Variants in ZNF559 observed in about 807,000 individuals in gnomAD.
The protein encoded by ZNF559 is zinc finger protein 559.
Under a neutral mutation model 14.2 loss-of-function variants are expected in ZNF559, and 17 were observed. That is an observed-to-expected ratio of 1.20 (90% CI 0.82 to 1.80). The LOEUF is 1.80. Among genes scored for constraint, ZNF559 ranks in the 40% most tolerant of loss-of-function variants. The probability of loss-of-function intolerance (pLI) is 0.00; values close to 1 mark genes in which losing one functional copy is unlikely to be tolerated. For missense variants in ZNF559, 740 were observed against 629.7 expected, an observed-to-expected ratio of 1.18 and a Z score of -1.88; for synonymous variants, 244 against 212.4, an observed-to-expected ratio of 1.15 and a Z score of -1.29.
At chr19:9,326,212 C>T (rs551536424) in intron 2 of ZNF559, among the ~76,000 whole-genome samples, 17 of 143,044 alleles carry the variant, frequency 1.2e-4, no homozygotes, top group African/African-American at 4.2e-4. Flanking sequence ...TGCGTTCAAG[C>T]GATTCTCCTG....
chr19:9,326,686 C>T (rs771270237), intron 2 of ZNF559, among the ~76,000 whole-genome samples: 1 of 152,010 alleles, frequency 6.6e-6, no homozygotes, highest in South Asian at 2.1e-4. Flanking sequence ...ATCCAGTTAT[C>T]AATATAAGTT....
intron 2 of ZNF559, among the ~76,000 whole-genome samples, chr19:9,329,256 T>C (rs540747507): frequency 6.6e-6 from 1 of 152,326 alleles, no homozygotes; most frequent in East Asian, 1.9e-4. Flanking sequence ...TTGATTTTTG[T>C]AGTTAGTCTT....
chr19:9,325,574 C>G (rs1275437617), intron 2 of ZNF559, among the ~76,000 whole-genome samples: 3 of 152,040 alleles, frequency 2.0e-5, no homozygotes, highest in African/African-American at 7.3e-5. Context: ...TGGCGGATCA[C>G]GAGGTCAGGA....
rs2067665394 is a variant in ZNF559, at chr19:9,343,481, T to A, written c.*413T>A. On this transcript the variant is annotated 3_prime_UTR_variant, in exon 7 of 7. Transcript: ENST00000603380. ...ATGCACGTCCTCTGGCTGTAAGGAATGTGTTGAAACCTTTCACTCTGCCTT... is the reference window on the plus strand; with the variant it reads ...ATGCACGTCCTCTGGCTGTAAGGAAAGTGTTGAAACCTTTCACTCTGCCTT... 1 of 1,029,438 alleles carries A rather than the reference T, an allele frequency of 9.7e-7. No individual in the cohort carries two copies. The highest frequency in any genetic ancestry group is 5.0e-5 in the Admixed American group (1 of 19,984). 63.8% of individuals were successfully genotyped at this position (1,029,438 alleles called of 1,614,324 possible). A position where few individuals can be genotyped will look rare whatever the true frequency, so the allele number is the denominator to read the frequency against.
intron 2 of ZNF559, among the ~76,000 whole-genome samples, chr19:9,332,317 C>G (rs536802800): frequency 6.6e-6 from 1 of 150,934 alleles, no homozygotes; most frequent in African/African-American, 2.4e-5. Flanking sequence ...GATGTATTAT[C>G]TTTTCATATA....
At chr19:9,332,355 G>GTGTATATATA (rs138636441) in intron 2 of ZNF559, among the ~76,000 whole-genome samples, 2,855 of 149,964 alleles carry the variant, frequency 0.019, 57 homozygotes, top group East Asian at 0.12. Context: ...ATGTGTGTGT[G>GTGTATATATA]TATATATATA....
At chr19:9,324,956 C>T (rs910712265) in intron 2 of ZNF559, among the ~76,000 whole-genome samples, 176 bp downstream of exon 2, 1 of 152,144 alleles carries the variant, frequency 6.6e-6, no homozygotes, top group African/African-American at 2.4e-5. Context: ...AGGAAAAACA[C>T]AGGACTACTC....
At position 9,324,222 on chromosome 19, in the gene ZNF559, G is replaced by A. The variant is rs1392799683; in HGVS notation, c.-212G>A. On this transcript the variant is annotated 5_prime_UTR_variant, in exon 1 of 7. Transcript: ENST00000603380. ...ATCTTAACAGCGCGTTCCCGTTGGC[G>A]TCTGAGGTAAGTTTTTGTTTCTGGG... is the stretch of plus-strand genomic sequence containing the variant. 2.6e-6 allele frequency: 4 copies of A among 1,536,112 alleles called. No individual in the cohort carries two copies. The Admixed American group carries it at 7.8e-5, about 30-fold the overall frequency.
chr19:9,341,904 A>T lies in ZNF559; in HGVS notation c.453A>T (p.Gln151His). The T allele has an allele frequency of 6.2e-7, 1 of 1,612,634 alleles. No individual in the cohort carries two copies. ...DIGEELPNCNQCETAFSQHLH... is the reference protein window; with the variant it reads ...DIGEELPNCNHCETAFSQHLH... ...GAGAGGAACTTCCTAACTGTAATCAATGTGAAACAGCCTTCAGCCAACATC... is the reference window on the plus strand; with the variant it reads ...GAGAGGAACTTCCTAACTGTAATCATTGTGAAACAGCCTTCAGCCAACATC... The change falls in exon 7 of 7, where the codon CAA becomes CAT. Residue 151 changes from glutamine to histidine, a missense_variant. By Grantham distance (24) the Gln-to-His change is conservative. Transcript: ENST00000603380.
rs1434335472 is a variant in ZNF559 at position 9,345,137 on chromosome 19, T to C, written c.*2069T>C. On this transcript the variant is annotated 3_prime_UTR_variant, in exon 7 of 7. Transcript: ENST00000603380. ...AGTCTGGCATCTTTCAGGATAATTT[T>C]TTCAGATCCATTTATGTTGTAGGGT... The C allele has an allele frequency of 6.6e-6, 1 of 152,244 alleles. No individual in the cohort carries two copies. Among genetic ancestry groups the C allele is most frequent in the African/African-American group, 2.4e-5 (1 of 41,466 alleles). 9.4% of individuals were successfully genotyped at this position (152,244 alleles called of 1,614,324 possible).
intron 2 of ZNF559, among the ~76,000 whole-genome samples, chr19:9,333,987 C>G (rs903502630): frequency 6.6e-6 from 1 of 151,814 alleles, no homozygotes; most frequent in Non-Finnish European, 1.5e-5. Context: ...AAAAGAGTTA[C>G]GAGATGTTGA....
chr19:9,331,783 C>T (rs1236598888), intron 2 of ZNF559, among the ~76,000 whole-genome samples: 1 of 152,104 alleles, frequency 6.6e-6, no homozygotes, highest in Non-Finnish European at 1.5e-5. Flanking sequence ...CTATGTGTTT[C>T]CATGAGTGAA....
Position 9,342,523 on chromosome 19 carries a change from T to G in ZNF559, c.1072T>G (p.Cys358Gly). 6.2e-7 allele frequency: 1 copy of G among 1,614,116 alleles called. No homozygotes were observed. Among genetic ancestry groups the G allele is most frequent in the Non-Finnish European group, 8.5e-7 (1 of 1,180,014 alleles). Residue 358 changes from cysteine (C) to glycine (G), a missense_variant, in exon 7 of 7, where the codon TGT (cysteine) becomes GGT (glycine). By Grantham distance (159) the Cys-to-Gly change is radical. Transcript: ENST00000603380. Reference protein sequence around the residue: ...TGEKPYECKECGKAFANSSHL... With the variant: ...TGEKPYECKEGGKAFANSSHL... ...AGAAAAGCCTTATGAATGTAAGGAA[T>G]GTGGGAAAGCTTTTGCTAACTCTTC... is the stretch of plus-strand genomic sequence containing the variant.
At chr19:9,324,329 C>T (rs2066442652) in intron 1 of ZNF559, 101 bp downstream of exon 1, 7 of 1,528,392 alleles carry the variant, frequency 4.6e-6, no homozygotes, top group Middle Eastern at 1.7e-4. Context: ...GGAGCCTGTC[C>T]CGTGCACTTT....
At chr19:9,326,312 G>T (rs567513797) in intron 2 of ZNF559, among the ~76,000 whole-genome samples, 1 of 152,056 alleles carries the variant, frequency 6.6e-6, no homozygotes, top group African/African-American at 2.4e-5. Flanking sequence ...TCACCGTGTT[G>T]GCCAGGCTGG....
At chr19:9,328,237 A>G (rs1325677526) in intron 2 of ZNF559, among the ~76,000 whole-genome samples, 1 of 147,160 alleles carries the variant, frequency 6.8e-6, no homozygotes, top group Non-Finnish European at 1.5e-5. Flanking sequence ...GAGTTTCTTT[A>G]TATTTCTTTT....
Position 9,342,018 on chromosome 19 carries a change from C to T in ZNF559, c.567C>T (p.Asp189=), listed in dbSNP as rs527776952. The change falls in exon 7 of 7, where the codon GAC becomes GAT. Residue 189 remains aspartate (D), a synonymous_variant. Transcript: ENST00000603380. ...HTQEKPYKCS[D]CEKGLPSSSH... ...AAGAGAAACCATATAAATGCAGTGA[C>T]TGTGAAAAAGGCTTACCTTCCTCCT... 1.2e-6 allele frequency: 2 copies of T among 1,610,118 alleles called. No individual in the cohort carries two copies. The highest frequency in any genetic ancestry group is 1.3e-5 in the African/African-American group (1 of 74,690).
At chr19:9,330,322 T>C (rs1480383650) in intron 2 of ZNF559, 1 of 152,214 alleles carries the variant, frequency 6.6e-6, no homozygotes, top group Non-Finnish European at 1.5e-5. Flanking sequence ...TGAACCTTGT[T>C]GGGGGCTTTG....
At chr19:9,336,240 T>C (rs1391105837) in intron 2 of ZNF559, among the ~76,000 whole-genome samples, 1 of 152,100 alleles carries the variant, frequency 6.6e-6, no homozygotes. Flanking sequence ...AGGTGGAGGA[T>C]GATATTACTT....
Sources: gnomAD v4.1 joint callset for allele counts (sites outside exome capture counted in the v4.1 genomes callset) on GRCh38, gnomAD v4.1.1 for gene constraint, MANE v1.5 for transcripts, NCBI Gene and HGNC (gene_info 2026-07-23, HGNC 2026-07-21) for gene names.